The following NSMCE2 variants were observed in gnomAD, a reference collection of about 807,000 sequenced individuals.
NSMCE2 encodes the protein E3 SUMO-protein ligase NSE2.
In NSMCE2, 24 loss-of-function variants were observed where a neutral mutation model predicts 23.8. The observed-to-expected ratio is 1.01, with a 90% CI of 0.73 to 1.42. The LOEUF is 1.42. Among genes scored for constraint, NSMCE2 ranks in the 40% most tolerant of loss-of-function variants. NSMCE2 has a pLI of 0.00. For missense variants in NSMCE2, 284 were observed against 296.5 expected (o/e 0.96, Z 0.31); for synonymous variants, 92 against 94.1 (o/e 0.98, Z 0.13).
At chr8:125,281,776 T>C (rs1827705767) in intron 5 of NSMCE2, among the ~76,000 whole-genome samples, 1 of 151,622 alleles carries the variant, frequency 6.6e-6, no homozygotes, top group Non-Finnish European at 1.5e-5. Flanking sequence ...GATGGGGTCT[T>C]GCTATGTTGC....
At chr8:125,158,280 A>G (rs1241789164) in intron 4 of NSMCE2, among the ~76,000 whole-genome samples, 2 of 152,098 alleles carry the variant, frequency 1.3e-5, no homozygotes, top group Non-Finnish European at 2.9e-5. Context: ...TCTCCATTGC[A>G]TTACTCCAAC....
chr8:125,357,112 C>A, intron 5 of NSMCE2, 107 bp from the exon 6 acceptor site: 1 of 696,058 alleles, frequency 1.4e-6, no homozygotes. Flanking sequence ...TACATGGGGG[C>A]CAACAGCAAA....
At chr8:125,351,460 C>G (rs1341872817) in intron 5 of NSMCE2, 1 of 152,008 alleles carries the variant, frequency 6.6e-6, no homozygotes, top group Non-Finnish European at 1.5e-5. Context: ...CAGCACAGTT[C>G]TGGGGCACCC....
chr8:125,236,309 A>G (rs1377765329), intron 5 of NSMCE2, among the ~76,000 whole-genome samples: 1 of 152,126 alleles, frequency 6.6e-6, no homozygotes, highest in Non-Finnish European at 1.5e-5. Context: ...GCACTTTTCT[A>G]TGTACATGTT....
chr8:125,350,034 T>C (rs1295820611), intron 5 of NSMCE2, among the ~76,000 whole-genome samples: 1 of 152,198 alleles, frequency 6.6e-6, no homozygotes, highest in African/African-American at 2.4e-5. Flanking sequence ...CCTTGTTGGA[T>C]GAGGCACTTT....
intron 3 of NSMCE2, among the ~76,000 whole-genome samples, chr8:125,150,812 T>C (rs1385455172): frequency 1.3e-5 from 2 of 152,198 alleles, no homozygotes; most frequent in Non-Finnish European, 2.9e-5. Flanking sequence ...AAGACAGAGC[T>C]GCTTAATGGA....
intron 1 of NSMCE2, among the ~76,000 whole-genome samples, chr8:125,096,912 C>T (rs944732260): frequency 2.6e-5 from 4 of 151,960 alleles, no homozygotes; most frequent in African/African-American, 9.7e-5. Flanking sequence ...ACCTGGCCCT[C>T]TGTGTAGAAT....
chr8:125,139,443 C>T lies in NSMCE2; in HGVS notation c.158-11728C>T, dbSNP rs542991446. 8.5e-5 allele frequency among the ~76,000 whole-genome samples: 13 copies of T among 152,232 alleles called. No individual in the cohort carries two copies. The South Asian group carries it at 2.3e-3, about 27-fold the overall frequency. ...TTCTCACACTGCTAATAAAGACATA[C>T]CGGAGACTGGTAATTTATAAAGGAA... On this transcript the variant is annotated intron_variant, in intron 3 of 7. Transcript: ENST00000287437.
At chr8:125,361,541 TC>T (rs1461663053) in intron 7 of NSMCE2, among the ~76,000 whole-genome samples, 9 of 152,208 alleles carry the variant, frequency 5.9e-5, no homozygotes, top group Non-Finnish European at 1.2e-4. Context: ...ATTCAACCTT[TC>T]TGCCTCAGTT....
chr8:125,109,155 A>G (rs1048646197), intron 3 of NSMCE2, among the ~76,000 whole-genome samples: 4 of 152,208 alleles, frequency 2.6e-5, no homozygotes, highest in African/African-American at 9.7e-5. Flanking sequence ...ATACAGGCAT[A>G]ATAGTGTAAT....
intron 3 of NSMCE2, among the ~76,000 whole-genome samples, chr8:125,136,047 C>G (rs1052338532): frequency 1.3e-5 from 2 of 152,186 alleles, no homozygotes; most frequent in African/African-American, 4.8e-5. Flanking sequence ...TCTAGTCACT[C>G]TTGTTCTTTC....
At chr8:125,107,268 C>T (rs867683469) in intron 3 of NSMCE2, among the ~76,000 whole-genome samples, 136 of 146,244 alleles carry the variant, frequency 9.3e-4, no homozygotes, top group African/African-American at 3.4e-3. Context: ...CTCACTGCAA[C>T]CTCCGCCTCT....
At chr8:125,343,874 C>T (rs376316148) in intron 5 of NSMCE2, among the ~76,000 whole-genome samples, 5 of 151,996 alleles carry the variant, frequency 3.3e-5, no homozygotes, top group East Asian at 1.9e-4. Context: ...GACGTGGTGG[C>T]GGGCGCCTGT....
intron 5 of NSMCE2, among the ~76,000 whole-genome samples, chr8:125,247,728 A>G (rs1826050064): frequency 6.6e-6 from 1 of 152,052 alleles, no homozygotes; most frequent in Admixed American, 6.5e-5. Context: ...CTGTCTCAAA[A>G]AAAAAAAAAA....
rs548266742 is a variant in NSMCE2, at chr8:125,220,976, A to G, written c.418+38720A>G. On this transcript the variant is annotated intron_variant, in intron 5 of 7. Transcript: ENST00000287437. ...CCTGTGTGTGCTAAAAATATCTCGA[A>G]GGTATTTTTTATGTTCCAAAGGGAT... 3.5e-4 allele frequency among the ~76,000 whole-genome samples: 53 copies of G among 152,280 alleles called. 1 individual carries two copies. Among genetic ancestry groups the G allele is most frequent in the Non-Finnish European group, 5.1e-4 (35 of 68,020 alleles).
At chr8:125,254,245 T>C (rs892766210) in intron 5 of NSMCE2, among the ~76,000 whole-genome samples, 1 of 152,186 alleles carries the variant, frequency 6.6e-6, no homozygotes, top group Non-Finnish European at 1.5e-5. Context: ...CAAAAGTCTT[T>C]TGCATTTTTC....
At chr8:125,217,501 C>G (rs141093631) in intron 5 of NSMCE2, among the ~76,000 whole-genome samples, 1 of 152,014 alleles carries the variant, frequency 6.6e-6, no homozygotes, top group Non-Finnish European at 1.5e-5. Context: ...GCTGGGACTA[C>G]GGGCACCTAC....
At chr8:125,118,895 GTATT>G (rs1405432540) in intron 3 of NSMCE2, among the ~76,000 whole-genome samples, 1 of 152,102 alleles carries the variant, frequency 6.6e-6, no homozygotes, top group Admixed American at 6.5e-5. Flanking sequence ...TGAATCATAA[GTATT>G]TATTCTTCCA....
At chr8:125,354,365 G>GT (rs1813165513) in intron 5 of NSMCE2, among the ~76,000 whole-genome samples, 1 of 152,186 alleles carries the variant, frequency 6.6e-6, no homozygotes, top group Non-Finnish European at 1.5e-5. Flanking sequence ...TTTTTATGAA[G>GT]TTTATGAAGA....
Sources: gnomAD v4.1 joint callset for allele counts (sites outside exome capture counted in the v4.1 genomes callset) on GRCh38, gnomAD v4.1.1 for gene constraint, MANE v1.5 for transcripts, NCBI Gene and HGNC (gene_info 2026-07-23, HGNC 2026-07-21) for gene names.